Variants in ATF7 observed in about 807,000 individuals in gnomAD.
The protein encoded by ATF7 is cyclic AMP-dependent transcription factor ATF-7.
In ATF7, 10 loss-of-function variants were observed where a neutral mutation model predicts 50.4. The ratio of observed to expected loss-of-function variants is 0.20; its 90% CI spans 0.12 to 0.34. ATF7 has a LOEUF of 0.34. Among genes scored for constraint, ATF7 ranks in the 10% least tolerant of loss-of-function variants. ATF7 has a pLI of 1.00. For synonymous variants in ATF7, 201 were observed against 226.4 expected, an observed-to-expected ratio of 0.89 and a Z score of 1.01; for missense variants, 465 against 613.9, an observed-to-expected ratio of 0.76 and a Z score of 2.56.
intron 1 of ATF7, among the ~76,000 whole-genome samples, chr12:53,607,676 T>C (rs1446423127): frequency 3.3e-5 from 5 of 152,130 alleles, no homozygotes; most frequent in Non-Finnish European, 7.4e-5. Flanking sequence ...TATAAAATTG[T>C]ACATGCACCA....
intron 2 of ATF7, among the ~76,000 whole-genome samples, chr12:53,584,402 C>T (rs183189160): frequency 1.3e-5 from 2 of 152,224 alleles, no homozygotes; most frequent in African/African-American, 4.8e-5. Flanking sequence ...CAAGAACTCT[C>T]ATTCATTTTT....
intron 1 of ATF7, among the ~76,000 whole-genome samples, chr12:53,614,660 A>G (rs765283373): frequency 1.3e-5 from 2 of 152,224 alleles, no homozygotes; most frequent in Non-Finnish European, 2.9e-5. Flanking sequence ...GTCTGTCCAC[A>G]TATTTTCAAC....
chr12:53,538,727 A>G (rs969453754), intron 4 of ATF7, among the ~76,000 whole-genome samples: 28 of 152,152 alleles, frequency 1.8e-4, no homozygotes, highest in Admixed American at 1.8e-3. Context: ...TGCTTGTTTC[A>G]AGATCTTCCC....
intron 11 of ATF7, among the ~76,000 whole-genome samples, chr12:53,521,760 A>C (rs914786693): frequency 1.3e-5 from 2 of 152,148 alleles, no homozygotes; most frequent in Non-Finnish European, 2.9e-5. Flanking sequence ...GATTTAATCT[A>C]ATTTATTTGG....
intron 2 of ATF7, among the ~76,000 whole-genome samples, chr12:53,554,603 C>A (rs1259232761): frequency 6.6e-6 from 1 of 151,642 alleles, no homozygotes; most frequent in Non-Finnish European, 1.5e-5. Flanking sequence ...TGGCTGATGC[C>A]TGTAATCCCA....
At chr12:53,587,846 T>A (rs867395853) in intron 2 of ATF7, among the ~76,000 whole-genome samples, 7,895 of 87,532 alleles carry the variant, frequency 0.09, 348 homozygotes, top group East Asian at 0.31. Context: ...TATATATATT[T>A]TTTTTTTTTT....
intron 11 of ATF7, among the ~76,000 whole-genome samples, chr12:53,520,897 G>A (rs1447908487): frequency 6.6e-6 from 1 of 151,824 alleles, no homozygotes; most frequent in African/African-American, 2.4e-5. Flanking sequence ...TTTCACTACC[G>A]TCATCCCTTG....
chr12:53,528,721 C>A (rs1255940145), intron 9 of ATF7, among the ~76,000 whole-genome samples: 3 of 151,862 alleles, frequency 2.0e-5, no homozygotes, highest in Non-Finnish European at 4.4e-5. Context: ...CGAGATCGTG[C>A]CACTGCACTC....
intron 3 of ATF7, among the ~76,000 whole-genome samples, chr12:53,550,435 T>A (rs1306791690): frequency 6.6e-6 from 1 of 151,602 alleles, no homozygotes; most frequent in Non-Finnish European, 1.5e-5. Context: ...GAGTAGAATT[T>A]AAGGAAGACT....
chr12:53,509,148 GCT>G (rs1367539106), downstream of ATF7, among the ~76,000 whole-genome samples: 1 of 152,122 alleles, frequency 6.6e-6, no homozygotes, highest in Admixed American at 6.5e-5. Flanking sequence ...GCTGTCTCCC[GCT>G]CTGAGCTTCA....
At chr12:53,593,988 C>T (rs1339000432) in intron 2 of ATF7, among the ~76,000 whole-genome samples, 1 of 152,210 alleles carries the variant, frequency 6.6e-6, no homozygotes, top group Non-Finnish European at 1.5e-5. Flanking sequence ...AGAGGGAGTA[C>T]GCTGGCTGCT....
chr12:53,545,716 G>A (rs1565939241), intron 3 of ATF7, among the ~76,000 whole-genome samples: 1 of 152,124 alleles, frequency 6.6e-6, no homozygotes, highest in Non-Finnish European at 1.5e-5. Context: ...GCATATGTTT[G>A]GGGGAGGGGA....
chr12:53,579,104 C>T (rs925397098), intron 2 of ATF7, among the ~76,000 whole-genome samples: 1 of 151,734 alleles, frequency 6.6e-6, no homozygotes, highest in African/African-American at 2.4e-5. Context: ...AAAAATTAGT[C>T]AGGCATGGTG....
At chr12:53,537,236 T>C (rs1352544407) in intron 5 of ATF7, among the ~76,000 whole-genome samples, 179 bp downstream of exon 5, 3 of 151,882 alleles carry the variant, frequency 2.0e-5, no homozygotes, top group Non-Finnish European at 4.4e-5. Context: ...GCCCAGGTAA[T>C]TTTTGTATTT....
chr12:53,554,938 T>C (rs1266510228), intron 2 of ATF7, among the ~76,000 whole-genome samples: 2 of 133,756 alleles, frequency 1.5e-5, no homozygotes, highest in African/African-American at 5.6e-5. Context: ...AAAAACTGAA[T>C]AAAATGTGGA....
At chr12:53,563,693 C>T (rs1941284994) in intron 2 of ATF7, among the ~76,000 whole-genome samples, 1 of 152,274 alleles carries the variant, frequency 6.6e-6, no homozygotes, top group Non-Finnish European at 1.5e-5. Flanking sequence ...CCTGCCCCAC[C>T]TCTGGGCTTG....
intron 1 of ATF7, among the ~76,000 whole-genome samples, chr12:53,617,710 T>C (rs1944201261): frequency 6.6e-6 from 1 of 152,158 alleles, no homozygotes; most frequent in Admixed American, 6.5e-5. Flanking sequence ...CTTCGTTAAA[T>C]GTTTGCCTAC....
At chr12:53,597,625 C>G (rs368125020) in intron 2 of ATF7, among the ~76,000 whole-genome samples, 1 of 152,058 alleles carries the variant, frequency 6.6e-6, no homozygotes, top group East Asian at 1.9e-4. Flanking sequence ...CTGGCTAACA[C>G]GGTGAAACCC....
intron 9 of ATF7, among the ~76,000 whole-genome samples, chr12:53,527,850 AT>A (rs1041683014): frequency 5.3e-5 from 8 of 150,104 alleles, no homozygotes; most frequent in African/African-American, 2.0e-4. Flanking sequence ...TTAAGAAATG[AT>A]TTTTTTTTGA....
Sources: gnomAD v4.1 joint callset for allele counts (sites outside exome capture counted in the v4.1 genomes callset) on GRCh38, gnomAD v4.1.1 for gene constraint, MANE v1.5 for transcripts, NCBI Gene and HGNC (gene_info 2026-07-23, HGNC 2026-07-21) for gene names.